The following KIF3B variants were observed in gnomAD, a reference collection of about 807,000 sequenced individuals.
The protein encoded by KIF3B is kinesin family member 3B, also known as kinesin-like protein KIF3B.
A neutral mutation model predicts 74.3 loss-of-function variants in KIF3B; 38 were observed. The ratio of observed to expected loss-of-function variants is 0.51; its 90% CI spans 0.39 to 0.67. The LOEUF (loss-of-function observed/expected upper bound fraction) is 0.67. KIF3B is among the 30% of genes least tolerant of loss of function. KIF3B has a pLI of 0.00. For missense variants in KIF3B, 649 were observed against 932.0 expected (o/e 0.70, Z 3.95); for synonymous variants, 326 against 342.5 (o/e 0.95, Z 0.53).
At chr20:32,292,723 C>T (rs925364295) in intron 1 of KIF3B, among the ~76,000 whole-genome samples, 1 of 152,038 alleles carries the variant, frequency 6.6e-6, no homozygotes, top group Non-Finnish European at 1.5e-5. Flanking sequence ...TGCCACTGCA[C>T]TCCAGCCTGG....
chr20:32,286,619 A>G (rs2047668444), intron 1 of KIF3B, among the ~76,000 whole-genome samples: 1 of 152,218 alleles, frequency 6.6e-6, no homozygotes, highest in South Asian at 2.1e-4. Context: ...GAGTAAAAAA[A>G]TGAGGAAAAT....
chr20:32,303,291 G>A (rs1032696534), intron 1 of KIF3B, among the ~76,000 whole-genome samples: 3 of 152,122 alleles, frequency 2.0e-5, no homozygotes, highest in Admixed American at 6.6e-5. Flanking sequence ...TAGAGTGGGC[G>A]CTGTGGCTCA....
In KIF3B at chr20:32,332,876, G is replaced by A. The variant is rs1261977661; in HGVS notation, c.*1557G>A. 6.6e-6 allele frequency: 1 copy of A among 152,650 alleles called. No individual in the cohort carries two copies. Among genetic ancestry groups the A allele is most frequent in the Admixed American group, 6.5e-5 (1 of 15,278 alleles). The allele number at this position is 152,650 out of a possible 1,614,324, so 9.5% of individuals were successfully genotyped here. ...CTGAGTCCATGAGCCAAGCCTGAGG[G>A]GACAGTGAGTCTCCAGGTCTGCCAC... On this transcript the variant is annotated 3_prime_UTR_variant, in exon 9 of 9. Coordinates refer to ENST00000375712, the MANE Select transcript of KIF3B (RefSeq NM_004798.4).
intron 1 of KIF3B, among the ~76,000 whole-genome samples, chr20:32,285,831 CAGAG>C (rs959950629): frequency 4.6e-5 from 7 of 152,130 alleles, no homozygotes; most frequent in African/African-American, 1.7e-4. Context: ...TCTTGGCAGT[CAGAG>C]AGCATTACAA....
intron 4 of KIF3B, 32 bp from the exon 5 acceptor site, chr20:32,316,724 A>G: frequency 6.2e-7 from 1 of 1,613,060 alleles, no homozygotes; most frequent in Non-Finnish European, 8.5e-7. Context: ...TTGGACAGAC[A>G]CCCTCCTCAC....
In KIF3B at chr20:32,310,021, G is replaced by A. The variant is rs937092308; in HGVS notation, c.244G>A (p.Asp82Asn). 3 of 1,614,032 alleles carry A rather than the reference G, an allele frequency of 1.9e-6. No homozygotes were observed. In the African/African-American group the frequency reaches 4.0e-5, roughly 22 times the overall value. Reference sequence around the variant, plus strand: ...CGATGAGACGTTCCGACCACTTGTTGACTCTGTCCTGCAAGGTTTCAATGG... The same window carrying A: ...CGATGAGACGTTCCGACCACTTGTTAACTCTGTCCTGCAAGGTTTCAATGG... ...LYDETFRPLV[D>N]SVLQGFNGTI... Residue 82 changes from aspartate (D) to asparagine (N), a missense_variant, in exon 2 of 9, where the codon GAC becomes AAC. Coordinates refer to ENST00000375712, the MANE Select transcript of KIF3B (RefSeq NM_004798.4). The surrounding 1 kb of genome is among the most constrained non-coding windows in gnomAD (Gnocchi z 6.5).
intron 1 of KIF3B, among the ~76,000 whole-genome samples, chr20:32,294,794 C>A (rs2047708863): frequency 6.6e-6 from 1 of 152,130 alleles, no homozygotes; most frequent in African/African-American, 2.4e-5. Context: ...TCTGTGTTCC[C>A]CAAATCTGCA....
intron 5 of KIF3B, among the ~76,000 whole-genome samples, chr20:32,323,501 G>A (rs1437373818): frequency 6.6e-6 from 1 of 151,878 alleles, no homozygotes; most frequent in Non-Finnish European, 1.5e-5. Context: ...CCAGGTTCAA[G>A]TGATTCTCCT....
intron 1 of KIF3B, among the ~76,000 whole-genome samples, chr20:32,295,741 G>T (rs147274164): frequency 7.3e-5 from 11 of 151,716 alleles, no homozygotes; most frequent in African/African-American, 2.7e-4. Flanking sequence ...CTAGTGCTGT[G>T]GACCTAATAG....
chr20:32,279,821 A>G (rs1451154072), intron 1 of KIF3B, among the ~76,000 whole-genome samples: 1 of 152,218 alleles, frequency 6.6e-6, no homozygotes, highest in Non-Finnish European at 1.5e-5. Context: ...CCTCATTAAA[A>G]TGAGGGGACT....
At chr20:32,299,760 A>G (rs1476604566) in intron 1 of KIF3B, among the ~76,000 whole-genome samples, 3 of 151,736 alleles carry the variant, frequency 2.0e-5, no homozygotes, top group East Asian at 3.9e-4. Flanking sequence ...CAATTCCCCT[A>G]TAAATGGATG....
Position 32,326,851 on chromosome 20 carries a change from A to G in KIF3B, c.1829A>G (p.Asp610Gly). ...AGAGCCTTCTTTGATGAAGAGGAAG[A>G]TCATTGGAAACTACATCCTATAACC... is the stretch of plus-strand genomic sequence containing the variant. ...MNRAFFDEEEDHWKLHPITRL... is the reference protein window; with the variant it reads ...MNRAFFDEEEGHWKLHPITRL... Residue 610 changes from aspartate (D) to glycine (G), a missense_variant, in exon 6 of 9, where the codon GAT becomes GGT. Coordinates refer to ENST00000375712, the MANE Select transcript of KIF3B (RefSeq NM_004798.4). 6.3e-7 allele frequency: 1 copy of G among 1,589,520 alleles called. No homozygotes were observed. The highest frequency in any genetic ancestry group is 8.6e-7 in the Non-Finnish European group (1 of 1,160,128).
At chr20:32,279,945 A>G (rs936051024) in intron 1 of KIF3B, among the ~76,000 whole-genome samples, 4 of 152,252 alleles carry the variant, frequency 2.6e-5, no homozygotes, top group African/African-American at 4.8e-5. Context: ...GCTGTGTGCT[A>G]CTGAGCAAAG....
At chr20:32,317,150 T>C (rs1329797531) in intron 5 of KIF3B, among the ~76,000 whole-genome samples, 1 of 152,076 alleles carries the variant, frequency 6.6e-6, no homozygotes. Context: ...GATAGGAGAA[T>C]CGCTTGAACC....
Position 32,290,063 on chromosome 20 carries a change from A to G in KIF3B, c.-66+12298A>G, listed in dbSNP as rs2047684232. Among the ~76,000 whole-genome samples, 3 of 152,128 alleles carry G rather than the reference A, an allele frequency of 2.0e-5. No homozygotes were observed. In the South Asian group the frequency reaches 6.2e-4, roughly 32 times the overall value. On this transcript the variant is annotated intron_variant, in intron 1 of 8. Transcript: ENST00000375712. Reference sequence around the variant, plus strand: ...TTCCCATTTTACAGATGAGGAAATCAGCTCCGAGGGGTAAGAAACTTTCAC... The same window carrying G: ...TTCCCATTTTACAGATGAGGAAATCGGCTCCGAGGGGTAAGAAACTTTCAC...
intron 1 of KIF3B, among the ~76,000 whole-genome samples, chr20:32,295,418 G>A (rs1342607301): frequency 6.6e-6 from 1 of 151,752 alleles, no homozygotes; most frequent in East Asian, 1.9e-4. Context: ...TCAGCCTCCT[G>A]AATAGCTGGG....
At chr20:32,306,327 C>T (rs1473806583) in intron 1 of KIF3B, among the ~76,000 whole-genome samples, 1 of 151,458 alleles carries the variant, frequency 6.6e-6, no homozygotes, top group African/African-American at 2.4e-5. Flanking sequence ...ACCAGGGAGT[C>T]GGAGGTTGCA....
intron 5 of KIF3B, among the ~76,000 whole-genome samples, chr20:32,320,948 C>G (rs932293263): frequency 6.6e-6 from 1 of 152,046 alleles, no homozygotes; most frequent in African/African-American, 2.4e-5. Context: ...ATGTTTCATT[C>G]TCTTAGATCC....
intron 1 of KIF3B, among the ~76,000 whole-genome samples, chr20:32,278,264 G>T (rs192553950): frequency 2.1e-3 from 323 of 152,170 alleles, no homozygotes; most frequent in African/African-American, 6.1e-3. Context: ...AGACCAAGAG[G>T]GCAGTTTGAA....
Sources: allele counts gnomAD v4.1 joint callset (sites outside exome capture counted in the v4.1 genomes callset), GRCh38; gene constraint gnomAD v4.1.1; non-coding constraint Gnocchi (gnomAD v3.1); transcripts MANE v1.5; gene names NCBI Gene and HGNC (gene_info 2026-07-23, HGNC 2026-07-21).